Variants in TSPEAR observed in about 807,000 individuals in gnomAD.
TSPEAR encodes thrombospondin-type laminin G domain and EAR repeat-containing protein.
TSPEAR carries 69 observed loss-of-function variants against 71.6 expected under a neutral mutation model. The ratio of observed to expected loss-of-function variants is 0.96; its 90% confidence interval spans 0.79 to 1.18. TSPEAR has a LOEUF of 1.18. Among genes scored for constraint, TSPEAR ranks in the 50% most tolerant of loss-of-function variants. The pLI, the probability that TSPEAR is intolerant of heterozygous loss-of-function variation, is 0.00. For synonymous variants in TSPEAR, 402 were observed against 387.2 expected, an observed-to-expected ratio of 1.04 and a Z score of -0.45; for missense variants, 971 against 894.9, an observed-to-expected ratio of 1.09 and a Z score of -1.09.
chr21:44,577,640 C>A (rs1230622163), intron 1 of TSPEAR, among the ~76,000 whole-genome samples: 1 of 152,224 alleles, frequency 6.6e-6, no homozygotes, highest in Non-Finnish European at 1.5e-5. Flanking sequence ...TCCCACCAGG[C>A]CCTGCCTCCA....
chr21:44,512,605 G>C (rs1182134800), intron 9 of TSPEAR, among the ~76,000 whole-genome samples: 4 of 152,196 alleles, frequency 2.6e-5, no homozygotes, highest in Non-Finnish European at 4.4e-5. Flanking sequence ...GGAGACCCTG[G>C]GTTGGGAATG....
intron 1 of TSPEAR, chr21:44,574,982 C>T (rs782125766): frequency 6.2e-7 from 1 of 1,611,616 alleles, no homozygotes; most frequent in Non-Finnish European, 8.5e-7. Context: ...TGTGCTCCCG[C>T]CCAGCCTGCT....
At chr21:44,543,480 G>A (rs587656465) in intron 2 of TSPEAR, among the ~76,000 whole-genome samples, 21 of 152,240 alleles carry the variant, frequency 1.4e-4, no homozygotes, top group Admixed American at 4.6e-4. Context: ...GTACTTGGCC[G>A]AATCATTCCT....
chr21:44,663,183 A>G (rs1347952782), intron 1 of TSPEAR, among the ~76,000 whole-genome samples: 1 of 152,048 alleles, frequency 6.6e-6, no homozygotes, highest in Non-Finnish European at 1.5e-5. Flanking sequence ...AAGAACAATG[A>G]AATGAATAAG....
At chr21:44,551,424 G>T (rs199505311) in intron 2 of TSPEAR, 1 of 1,613,210 alleles carries the variant, frequency 6.2e-7, no homozygotes, top group South Asian at 1.1e-5. Flanking sequence ...GTTGGTGCAG[G>T]CGCTGGAGCA....
At chr21:44,664,574 T>C (rs782032313) in intron 1 of TSPEAR, among the ~76,000 whole-genome samples, 2 of 152,178 alleles carry the variant, frequency 1.3e-5, no homozygotes, top group Non-Finnish European at 2.9e-5. Flanking sequence ...AATATCTATA[T>C]GGAAAGACAA....
chr21:44,697,314 A>C lies in TSPEAR; in HGVS notation c.82+14119T>G, dbSNP rs376939185. On this transcript the variant is annotated intron_variant, in intron 1 of 11. Coordinates refer to ENST00000323084, the MANE Select transcript of TSPEAR (RefSeq NM_144991.3). ...GACGACTGCCCAGAGAGCTGCTGTGAGCCCCCCTGCTGCGCCCCGGCCCCC... is the reference window on the plus strand; with the variant it reads ...GACGACTGCCCAGAGAGCTGCTGTGCGCCCCCCTGCTGCGCCCCGGCCCCC... 3.7e-6 allele frequency: 6 copies of C among 1,612,604 alleles called. 1 individual carries two copies. The African/African-American group carries it at 5.4e-5, about 14-fold the overall frequency.
At chr21:44,566,066 G>A (rs2053698692) in intron 2 of TSPEAR, among the ~76,000 whole-genome samples, 1 of 152,184 alleles carries the variant, frequency 6.6e-6, no homozygotes, top group Admixed American at 6.5e-5. Flanking sequence ...TGTAATTCCA[G>A]CTACTCTGGA....
chr21:44,708,045 A>ACC (rs1555952851), intron 1 of TSPEAR, among the ~76,000 whole-genome samples: 1 of 121,208 alleles, frequency 8.3e-6, no homozygotes, highest in African/African-American at 3.1e-5. Context: ...ACACACACAC[A>ACC]CCACACAGCA....
chr21:44,500,078 G>T, intron 11 of TSPEAR, 142 bp from the exon 12 acceptor site: 3 of 828,122 alleles, frequency 3.6e-6, no homozygotes, highest in Non-Finnish European at 5.4e-6. Flanking sequence ...GGCACAGCGT[G>T]GGGAGATCGA....
At position 44,591,374 on chromosome 21, in the gene TSPEAR, A is replaced by G. The variant is rs1979812247; in HGVS notation, c.83-23369T>C. The G allele has an allele frequency of 3.8e-6, 6 of 1,588,478 alleles. No individual in the cohort carries two copies. In the East Asian group the frequency reaches 1.3e-4, roughly 36 times the overall value. Reference sequence around the variant, plus strand: ...CCCTGGTGGGAAGGGACTCCGGATCACATCCAGGGCTGTCAGCAGCTGGAC... The same window carrying G: ...CCCTGGTGGGAAGGGACTCCGGATCGCATCCAGGGCTGTCAGCAGCTGGAC... On this transcript the variant is annotated intron_variant, in intron 1 of 11. Coordinates refer to ENST00000323084, the MANE Select transcript of TSPEAR (RefSeq NM_144991.3).
Position 44,646,578 on chromosome 21 carries a change from C to A in TSPEAR, c.82+64855G>T, listed in dbSNP as rs73909207. ...GCGCCCCCAGCTGCTGCGCCCCGGC[C>A]CCCTCCCTGAGCCTGGTCTGCACCC... On this transcript the variant is annotated intron_variant, in intron 1 of 11. Coordinates refer to ENST00000323084, the MANE Select transcript of TSPEAR (RefSeq NM_144991.3). 94 of 1,612,452 alleles carry A rather than the reference C, an allele frequency of 5.8e-5. 1 individual carries two copies. In the East Asian group the frequency reaches 2.0e-3, roughly 35 times the overall value.
At chr21:44,549,887 C>G (rs1466506061) in intron 2 of TSPEAR, among the ~76,000 whole-genome samples, 1 of 152,248 alleles carries the variant, frequency 6.6e-6, no homozygotes, top group Non-Finnish European at 1.5e-5. Context: ...AAGCCTGGTG[C>G]AGGAACAGAG....
At chr21:44,518,310 A>T (rs2052648836) in intron 9 of TSPEAR, 3 of 469,462 alleles carry the variant, frequency 6.4e-6, no homozygotes, top group African/African-American at 4.0e-5. Context: ...AGAGGATGGC[A>T]TGGGTGACAC....
At chr21:44,573,332 A>G (rs116463992) in intron 1 of TSPEAR, among the ~76,000 whole-genome samples, 4,100 of 150,546 alleles carry the variant, frequency 0.027, 164 homozygotes, top group African/African-American at 0.093. Context: ...AGAGCCACCC[A>G]CAGGCACCCA....
intron 1 of TSPEAR, among the ~76,000 whole-genome samples, chr21:44,607,886 T>C (rs1981413439): frequency 6.6e-6 from 1 of 152,222 alleles, no homozygotes; most frequent in African/African-American, 2.4e-5. Flanking sequence ...AGTGAAATCA[T>C]ATCACAAAGA....
intron 2 of TSPEAR, among the ~76,000 whole-genome samples, chr21:44,551,722 C>T (rs1412162957): frequency 1.3e-5 from 2 of 152,134 alleles, no homozygotes; most frequent in Non-Finnish European, 1.5e-5. Context: ...TGGGCAGGAC[C>T]GGCGCCCCTG....
intron 2 of TSPEAR, among the ~76,000 whole-genome samples, chr21:44,549,310 C>T (rs1033470400): frequency 1.3e-5 from 2 of 152,112 alleles, no homozygotes; most frequent in Non-Finnish European, 2.9e-5. Context: ...GGGAATGAAA[C>T]ACTAAAGGAC....
intron 4 of TSPEAR, among the ~76,000 whole-genome samples, chr21:44,530,302 C>T (rs1182224552): frequency 6.6e-6 from 1 of 152,038 alleles, no homozygotes; most frequent in Non-Finnish European, 1.5e-5. Context: ...TCCATTCATC[C>T]ATCACTAATC....
Sources: gnomAD v4.1 joint callset for allele counts (sites outside exome capture counted in the v4.1 genomes callset) on GRCh38, gnomAD v4.1.1 for gene constraint, MANE v1.5 for transcripts, NCBI Gene and HGNC (gene_info 2026-07-23, HGNC 2026-07-21) for gene names.